Variants in SDK1 observed in about 807,000 individuals in gnomAD.
The protein encoded by SDK1 is protein sidekick-1.
A neutral mutation model predicts 245.5 loss-of-function variants in SDK1; 157 were observed. The ratio of observed to expected loss-of-function variants is 0.64; its 90% CI spans 0.56 to 0.73. The LOEUF is 0.73. Ranked by LOEUF, SDK1 falls within the 30% of genes least tolerant of loss-of-function variation. SDK1 has a pLI of 0.00. For missense variants in SDK1, 3,583 were observed against 3,002.3 expected (o/e 1.19, Z -4.52); for synonymous variants, 1,647 against 1,278.5 (o/e 1.29, Z -6.15).
Position 3,619,483 on chromosome 7 carries a change from T to C in SDK1, c.458+244T>C, listed in dbSNP as rs564724253. ...GTAAGCCCATTAGTGAAATTATCAG[T>C]CAACAAAAACCTATGGTTACAGAGC... On this transcript the variant is annotated intron_variant, in intron 2 of 44. Transcript: ENST00000404826. 7.2e-5 allele frequency among the ~76,000 whole-genome samples: 11 copies of C among 152,322 alleles called. 1 individual carries two copies. In the South Asian group the frequency reaches 2.1e-3, roughly 29 times the overall value.
chr7:4,138,359 A>G (rs1401720591), intron 28 of SDK1, among the ~76,000 whole-genome samples: 5 of 152,216 alleles, frequency 3.3e-5, no homozygotes, highest in Non-Finnish European at 7.3e-5. Flanking sequence ...AAGGGAAAAC[A>G]TGCTTTTGTT....
At chr7:4,019,095 G>T (rs774632346) in intron 17 of SDK1, among the ~76,000 whole-genome samples, 11 of 152,146 alleles carry the variant, frequency 7.2e-5, no homozygotes, top group Non-Finnish European at 1.3e-4. Context: ...ACAGGGCTGG[G>T]TATAAAAACA....
intron 5 of SDK1, among the ~76,000 whole-genome samples, chr7:3,875,894 T>C (rs183596329): frequency 6.6e-6 from 1 of 152,152 alleles, no homozygotes. Flanking sequence ...TGTCCCCTCC[T>C]TAACTCCTAC....
chr7:3,931,311 C>T (rs187348900), intron 5 of SDK1, among the ~76,000 whole-genome samples: 2 of 152,322 alleles, frequency 1.3e-5, no homozygotes, highest in Admixed American at 6.5e-5. Context: ...TTTCTTTCCT[C>T]ACATATTCCT....
At chr7:3,735,441 T>G (rs1186236828) in intron 4 of SDK1, among the ~76,000 whole-genome samples, 1 of 152,198 alleles carries the variant, frequency 6.6e-6, no homozygotes, top group Non-Finnish European at 1.5e-5. Flanking sequence ...TGTGACAGAC[T>G]TATTTCACTT....
intron 1 of SDK1, among the ~76,000 whole-genome samples, chr7:3,321,199 T>C (rs934019607): frequency 6.6e-6 from 1 of 152,202 alleles, no homozygotes; most frequent in African/African-American, 2.4e-5. Context: ...ACAAGCAAGA[T>C]GATACTATAG....
intron 32 of SDK1, among the ~76,000 whole-genome samples, chr7:4,166,699 C>T (rs928539312): frequency 1.3e-5 from 2 of 152,208 alleles, no homozygotes; most frequent in East Asian, 1.9e-4. Flanking sequence ...GCTTCCGGCC[C>T]GGGGGACCAC....
intron 32 of SDK1, among the ~76,000 whole-genome samples, chr7:4,172,075 C>G (rs1038121908): frequency 6.6e-6 from 1 of 152,114 alleles, no homozygotes; most frequent in Non-Finnish European, 1.5e-5. Flanking sequence ...AGACACGGAT[C>G]GCAAAGACCC....
Position 4,149,337 on chromosome 7 carries a change from T to A in SDK1, c.4499T>A (p.Val1500Asp). 6.3e-7 allele frequency: 1 copy of A among 1,592,084 alleles called. No individual in the cohort carries two copies. Among genetic ancestry groups the A allele is most frequent in the Non-Finnish European group, 8.5e-7 (1 of 1,169,624 alleles). The change falls in exon 30 of 45, where the codon GTC becomes GAC. Residue 1500 changes from valine to aspartate, a missense_variant. Physicochemically the swap from Val to Asp is radical, Grantham distance 152. Transcript: ENST00000404826. ...GCACGCAGCCTCCGGCTCCAGTGGG[T>A]CCCGGGCAGCGACGGGGCCTCCCCC... ...VTARSLRLQWVPGSDGASPIR... is the reference protein window; with the variant it reads ...VTARSLRLQWDPGSDGASPIR...
At chr7:4,126,738 A>T (rs1784413263) in intron 25 of SDK1, among the ~76,000 whole-genome samples, 1 of 152,260 alleles carries the variant, frequency 6.6e-6, no homozygotes, top group Admixed American at 6.5e-5. Flanking sequence ...ATGGGTCGAG[A>T]ATGGCATGGC....
rs1286299286 is a variant in SDK1, at chr7:4,113,306, T to C, written c.3452T>C (p.Val1151Ala). The C allele has an allele frequency of 5.0e-6, 8 of 1,613,328 alleles. No individual in the cohort carries two copies. The highest frequency in any genetic ancestry group is 6.8e-6 in the Non-Finnish European group (8 of 1,179,784). Residue 1151 changes from valine (V) to alanine (A), a missense_variant, in exon 24 of 45, where the codon GTG becomes GCG. Coordinates refer to ENST00000404826, the MANE Select transcript of SDK1 (RefSeq NM_152744.4). ...TCCTTTAGATTTCGAATGAAGCAAG[T>C]GAACATTGTTGGGCCGAGCCCCTAC... ...YTHYRFRMKQ[V>A]NIVGPSPYSP...
intron 5 of SDK1, among the ~76,000 whole-genome samples, chr7:3,836,525 G>C (rs967263663): frequency 1.3e-5 from 2 of 152,160 alleles, no homozygotes; most frequent in African/African-American, 4.8e-5. Flanking sequence ...GCTTTGGTTG[G>C]TGGAAACAAA....
intron 5 of SDK1, among the ~76,000 whole-genome samples, chr7:3,861,529 G>C (rs1380831359): frequency 1.3e-5 from 2 of 152,112 alleles, no homozygotes; most frequent in African/African-American, 4.8e-5. Context: ...TAAATGGAAT[G>C]AGTAATTTGA....
At chr7:3,524,354 G>T (rs1198304380) in intron 1 of SDK1, among the ~76,000 whole-genome samples, 2 of 152,130 alleles carry the variant, frequency 1.3e-5, no homozygotes, top group African/African-American at 2.4e-5. Context: ...ATAGTGAGAT[G>T]GTGGCAAGGA....
At chr7:3,630,732 A>G (rs554389096) in intron 2 of SDK1, among the ~76,000 whole-genome samples, 15 of 152,298 alleles carry the variant, frequency 9.8e-5, no homozygotes, top group Admixed American at 7.8e-4. Flanking sequence ...CTACAAAACA[A>G]TGCTGAAAGA....
intron 4 of SDK1, among the ~76,000 whole-genome samples, chr7:3,701,038 G>A (rs773282327): frequency 7.2e-5 from 11 of 152,120 alleles, no homozygotes; most frequent in South Asian, 2.1e-4. Context: ...CAGTTGCCGC[G>A]CAGGGAGGAG....
At chr7:3,879,227 G>C (rs1781148181) in intron 5 of SDK1, among the ~76,000 whole-genome samples, 1 of 152,170 alleles carries the variant, frequency 6.6e-6, no homozygotes, top group African/African-American at 2.4e-5. Flanking sequence ...AAACATGGCG[G>C]CTGCAAGAGT....
At chr7:3,362,955 A>G (rs1780993054) in intron 1 of SDK1, among the ~76,000 whole-genome samples, 1 of 152,222 alleles carries the variant, frequency 6.6e-6, no homozygotes, top group South Asian at 2.1e-4. Flanking sequence ...ACAAGCGGTT[A>G]TAAGAAATAA....
intron 1 of SDK1, among the ~76,000 whole-genome samples, chr7:3,451,789 C>T (rs1378213761): frequency 1.3e-5 from 2 of 152,268 alleles, no homozygotes; most frequent in African/African-American, 4.8e-5. Context: ...CATTTTTTCT[C>T]TCAGTCATAA....
Sources: allele counts gnomAD v4.1 joint callset (sites outside exome capture counted in the v4.1 genomes callset), GRCh38; gene constraint gnomAD v4.1.1; transcripts MANE v1.5; gene names NCBI Gene and HGNC (gene_info 2026-07-23, HGNC 2026-07-21).